Variants in MSANTD2 observed in about 807,000 individuals in gnomAD.
MSANTD2 encodes the protein myb/SANT-like DNA-binding domain-containing protein 2.
In MSANTD2, 19 loss-of-function variants were observed where a neutral mutation model predicts 52.6. The ratio of observed to expected loss-of-function variants is 0.36; its 90% CI spans 0.25 to 0.53. The LOEUF is 0.53. Among genes scored for constraint, MSANTD2 ranks in the 20% least tolerant of loss-of-function variants. The pLI is 0.91. For missense variants in MSANTD2, 558 were observed against 716.3 expected (o/e 0.78, Z 2.52); for synonymous variants, 291 against 289.7 (o/e 1.00, Z -0.04).
At chr11:124,795,052 G>C (rs959482683) in intron 1 of MSANTD2, among the ~76,000 whole-genome samples, 13 of 152,016 alleles carry the variant, frequency 8.6e-5, no homozygotes, top group Admixed American at 2.6e-4. Flanking sequence ...CTAATTTTTT[G>C]TATTTTTGGT....
chr11:124,799,359 C>A (rs1945602129), intron 1 of MSANTD2, among the ~76,000 whole-genome samples: 1 of 152,256 alleles, frequency 6.6e-6, no homozygotes, highest in South Asian at 2.1e-4. Flanking sequence ...AGAAGCAAAG[C>A]GACTGACACA....
intron 1 of MSANTD2, among the ~76,000 whole-genome samples, chr11:124,778,476 G>C (rs1944830661): frequency 6.6e-6 from 1 of 152,218 alleles, no homozygotes; most frequent in African/African-American, 2.4e-5. Context: ...CCCCCTGGAG[G>C]AAGAGTTGTG....
At chr11:124,784,614 C>G in intron 1 of MSANTD2, 1 of 985,100 alleles carries the variant, frequency 1.0e-6, no homozygotes, top group Non-Finnish European at 1.2e-6. Flanking sequence ...CAGGCTTCCC[C>G]TGAAGCAGTA....
At chr11:124,784,778 C>A (rs1945105071) in intron 1 of MSANTD2, 2 of 547,806 alleles carry the variant, frequency 3.7e-6, no homozygotes, top group Non-Finnish European at 4.6e-6. Flanking sequence ...GAAAAAGAAT[C>A]CTGATAGGCA....
chr11:124,776,476 T>G (rs376955943), intron 1 of MSANTD2, among the ~76,000 whole-genome samples: 8 of 152,222 alleles, frequency 5.3e-5, no homozygotes, highest in Admixed American at 2.0e-4. Context: ...TTTGTAATTT[T>G]AGTAGAGACG....
At position 124,779,725 on chromosome 11, in the gene MSANTD2, A is replaced by G. The variant is rs1295471187; in HGVS notation, c.511-4751T>C. Among the ~76,000 whole-genome samples the G allele has an allele frequency of 6.6e-6, 1 of 152,246 alleles. No homozygotes were observed. On this transcript the variant is annotated intron_variant, in intron 1 of 3. Coordinates refer to ENST00000374979, the MANE Select transcript of MSANTD2 (RefSeq NM_001308027.2). This position sits in a 1 kb window ranked among gnomAD's most constrained non-coding sequence, Gnocchi z 4.6. ...CAAATGTAGCTGTCAAGCTGGCCACACTGGAAATGGATTACATAGTTATCT... is the reference window on the plus strand; with the variant it reads ...CAAATGTAGCTGTCAAGCTGGCCACGCTGGAAATGGATTACATAGTTATCT...
At chr11:124,785,750 ATAT>A (rs1212302191) in intron 1 of MSANTD2, among the ~76,000 whole-genome samples, 1 of 151,744 alleles carries the variant, frequency 6.6e-6, no homozygotes, top group Non-Finnish European at 1.5e-5. Context: ...TGTTATATAT[ATAT>A]TAAGATATAT....
Position 124,767,497 on chromosome 11 carries a change from G to A in MSANTD2, c.1359C>T (p.Asp453=). 1 of 1,614,144 alleles carries A rather than the reference G, an allele frequency of 6.2e-7. No individual in the cohort carries two copies. Among genetic ancestry groups the A allele is most frequent in the Non-Finnish European group, 8.5e-7 (1 of 1,180,018 alleles). Reference sequence around the variant, plus strand: ...AGGCTTGTGCTGAAAGGGTTTCCAGGTCAACCCGGCCCTCTTTTCCTGGGT... The same window carrying A: ...AGGCTTGTGCTGAAAGGGTTTCCAGATCAACCCGGCCCTCTTTTCCTGGGT... ...SLDPGKEGRV[D]LETLSAQASL... is the part of the protein sequence containing the mutation. Residue 453 remains aspartate, a synonymous_variant, in exon 4 of 4, where the codon GAC becomes GAT. Coordinates refer to ENST00000374979, the MANE Select transcript of MSANTD2 (RefSeq NM_001308027.2). This position sits in a 1 kb window ranked among gnomAD's most constrained non-coding sequence, Gnocchi z 6.5.
chr11:124,800,172 A>T lies in MSANTD2; in HGVS notation c.209T>A (p.Leu70Gln). 4.1e-6 allele frequency: 6 copies of T among 1,465,620 alleles called. No individual in the cohort carries two copies. Among genetic ancestry groups the T allele is most frequent in the Non-Finnish European group, 5.4e-6 (6 of 1,114,720 alleles). The allele number at this position is 1,465,620 out of a possible 1,614,324, so 90.8% of individuals were successfully genotyped here. Residue 70 changes from leucine (L) to glutamine (Q), a missense_variant, in exon 1 of 4, where the codon CTG (leucine) becomes CAG (glutamine). By Grantham distance (113) the Leu-to-Gln change is moderately radical. Transcript: ENST00000374979. The surrounding 1 kb of genome is among the most constrained non-coding windows in gnomAD (Gnocchi z 4.3). Reference protein sequence around the residue: ...AAASGGLGLGLGGRSAASSSV... With the variant: ...AAASGGLGLGQGGRSAASSSV... ...GGACGAGGCGGCGCTGCGGCCCCCC[A>T]GCCCCAGCCCGAGACCCCCGGACGC...
intron 1 of MSANTD2, among the ~76,000 whole-genome samples, chr11:124,777,047 C>T (rs1419935202): frequency 1.3e-5 from 2 of 152,210 alleles, no homozygotes; most frequent in Non-Finnish European, 2.9e-5. Flanking sequence ...GCTCATTTGA[C>T]TTTCTACACA....
chr11:124,799,807 G>A, intron 1 of MSANTD2, 64 bp downstream of exon 1: 6 of 1,308,966 alleles, frequency 4.6e-6, no homozygotes, highest in Admixed American at 2.1e-5. Flanking sequence ...CCCCGCCCCC[G>A]AGGCCCGCTT....
At chr11:124,792,727 C>G (rs1317783287) in intron 1 of MSANTD2, 1 of 152,202 alleles carries the variant, frequency 6.6e-6, no homozygotes, top group Admixed American at 6.5e-5. Flanking sequence ...CCGTAACTCT[C>G]AGACCTACTG....
chr11:124,786,095 C>CTTT (rs200399771), intron 1 of MSANTD2, among the ~76,000 whole-genome samples: 489 of 114,052 alleles, frequency 4.3e-3, no homozygotes, highest in Non-Finnish European at 6.5e-3. Flanking sequence ...ATCATTTCTT[C>CTTT]TTTTTTTTTT....
chr11:124,771,445 G>A (rs1170163171), intron 3 of MSANTD2, among the ~76,000 whole-genome samples: 2 of 152,172 alleles, frequency 1.3e-5, no homozygotes, highest in South Asian at 2.1e-4. Flanking sequence ...ATTTACAAAG[G>A]GGAGGTGGTA....
intron 1 of MSANTD2, among the ~76,000 whole-genome samples, chr11:124,778,578 C>T (rs941772600): frequency 2.0e-5 from 3 of 152,120 alleles, no homozygotes; most frequent in Admixed American, 1.3e-4. Context: ...TAGGTAACAA[C>T]TTGATCGGTG....
chr11:124,792,934 C>CTT (rs1379897534), intron 1 of MSANTD2: 2 of 152,156 alleles, frequency 1.3e-5, no homozygotes, highest in Non-Finnish European at 2.9e-5. Flanking sequence ...CCCCTGTAAC[C>CTT]TTTCCCTGTT....
At chr11:124,781,889 G>T (rs1223078718) in intron 1 of MSANTD2, among the ~76,000 whole-genome samples, 1 of 152,100 alleles carries the variant, frequency 6.6e-6, no homozygotes, top group Non-Finnish European at 1.5e-5. Flanking sequence ...CTGACCTCAG[G>T]TGATCTGCCT....
At chr11:124,780,588 G>A (rs7124686) in intron 1 of MSANTD2, among the ~76,000 whole-genome samples, 49,786 of 152,028 alleles carry the variant, frequency 0.33, 12,451 homozygotes, top group African/African-American at 0.71. Flanking sequence ...TGTCCCATAC[G>A]ATTTCAAGGG....
At chr11:124,797,242 T>C (rs1418162724) in intron 1 of MSANTD2, among the ~76,000 whole-genome samples, 1 of 152,204 alleles carries the variant, frequency 6.6e-6, no homozygotes, top group Non-Finnish European at 1.5e-5. Flanking sequence ...CCCAGCACTT[T>C]GGGAGGCCAA....
Sources: allele counts gnomAD v4.1 joint callset (sites outside exome capture counted in the v4.1 genomes callset), GRCh38; gene constraint gnomAD v4.1.1; non-coding constraint Gnocchi (gnomAD v3.1); transcripts MANE v1.5; gene names NCBI Gene and HGNC (gene_info 2026-07-23, HGNC 2026-07-21).